EPC2: variants seen among roughly 807,000 people sequenced by gnomAD.
The protein encoded by EPC2 is enhancer of polycomb 2.
Under a neutral mutation model 92.1 loss-of-function variants are expected in EPC2, and 14 were observed. That is an observed-to-expected ratio of 0.15 (90% CI 0.10 to 0.24). The LOEUF (loss-of-function observed/expected upper bound fraction) is 0.24. EPC2 is among the 10% of genes least tolerant of loss of function. The probability of loss-of-function intolerance (pLI) is 1.00; values close to 1 mark genes in which losing one functional copy is unlikely to be tolerated. For synonymous variants in EPC2, 340 were observed against 334.7 expected (o/e 1.02, Z -0.17); for missense variants, 755 against 971.5 (o/e 0.78, Z 2.96).
chr2:148,710,119 A>G (rs891794003), intron 2 of EPC2, among the ~76,000 whole-genome samples: 1 of 152,252 alleles, frequency 6.6e-6, no homozygotes, highest in Non-Finnish European at 1.5e-5. Context: ...GGTAATATCC[A>G]GAATCTACAA....
intron 2 of EPC2, among the ~76,000 whole-genome samples, chr2:148,719,055 G>A (rs916248411): frequency 4.6e-5 from 7 of 151,830 alleles, no homozygotes; most frequent in African/African-American, 1.7e-4. Flanking sequence ...TGATTGCATT[G>A]TGAAGTTCTC....
chr2:148,725,424 T>C (rs1273211372), intron 2 of EPC2, among the ~76,000 whole-genome samples: 1 of 152,090 alleles, frequency 6.6e-6, no homozygotes, highest in East Asian at 1.9e-4. Flanking sequence ...CAGAACCCTT[T>C]TAGAGTAAGT....
At chr2:148,684,725 A>T (rs1013382014) in intron 1 of EPC2, among the ~76,000 whole-genome samples, 1 of 152,208 alleles carries the variant, frequency 6.6e-6, no homozygotes, top group Non-Finnish European at 1.5e-5. Context: ...GCCTACTTAC[A>T]TACCTGCGTG....
chr2:148,759,373 G>A (rs952085186), intron 4 of EPC2, among the ~76,000 whole-genome samples: 1 of 152,110 alleles, frequency 6.6e-6, no homozygotes, highest in Non-Finnish European at 1.5e-5. Context: ...GATTACAGGC[G>A]TGAGCCACTG....
At chr2:148,683,128 T>G (rs1193371702) in intron 1 of EPC2, among the ~76,000 whole-genome samples, 1 of 152,114 alleles carries the variant, frequency 6.6e-6, no homozygotes, top group Admixed American at 6.6e-5. Context: ...TGGTGTTTGC[T>G]TGCTTGGAAA....
chr2:148,650,225 T>G (rs1680649930), intron 1 of EPC2, among the ~76,000 whole-genome samples: 1 of 152,172 alleles, frequency 6.6e-6, no homozygotes, highest in Non-Finnish European at 1.5e-5. Flanking sequence ...AATGGGCTTC[T>G]ATTTCTTTTT....
In EPC2 at chr2:148,714,445, G is replaced by GTCAAAT. The variant is rs200272659; in HGVS notation, c.313+24073_313+24078dup. ...ATATACCAAGTAAGGGGATTGTTGA[G>GTCAAAT]TCAAATGGTATTTCTGCCTCTAGGT... On this transcript the variant is annotated intron_variant, in intron 2 of 13. Transcript: ENST00000258484. 7.4e-4 allele frequency among the ~76,000 whole-genome samples: 112 copies of GTCAAAT among 152,258 alleles called. No individual in the cohort carries two copies. The East Asian group carries it at 0.013, about 17-fold the overall frequency.
At chr2:148,695,461 T>C (rs1681726832) in intron 2 of EPC2, among the ~76,000 whole-genome samples, 1 of 152,204 alleles carries the variant, frequency 6.6e-6, no homozygotes, top group African/African-American at 2.4e-5. Context: ...CAAGTCTACA[T>C]TGGAAAAGAG....
chr2:148,749,477 C>T (rs187833097), intron 3 of EPC2, among the ~76,000 whole-genome samples: 28 of 149,958 alleles, frequency 1.9e-4, no homozygotes, highest in East Asian at 1.8e-3. Flanking sequence ...ATCACATCAT[C>T]GGTTTTTTTT....
chr2:148,741,772 T>G (rs1271311390), intron 2 of EPC2, among the ~76,000 whole-genome samples: 1 of 152,174 alleles, frequency 6.6e-6, no homozygotes, highest in African/African-American at 2.4e-5. Flanking sequence ...GTTTAATAAC[T>G]TATACATGTA....
intron 1 of EPC2, among the ~76,000 whole-genome samples, chr2:148,655,906 T>G (rs79726499): frequency 0.032 from 4,896 of 151,720 alleles, 257 homozygotes; most frequent in African/African-American, 0.11. Context: ...CCACATGATT[T>G]AAATATAAAA....
Position 148,781,926 on chromosome 2 carries a change from A to G in EPC2, c.1857+146A>G. Reference sequence around the variant, plus strand: ...ACCTGAATTTCTTTTCAGTTAATGTACGTAATTTTAAGTGACTAGCTTATA... The same window carrying G: ...ACCTGAATTTCTTTTCAGTTAATGTGCGTAATTTTAAGTGACTAGCTTATA... On this transcript the variant is annotated intron_variant, in intron 11 of 13. Coordinates refer to ENST00000258484, the MANE Select transcript of EPC2 (RefSeq NM_015630.4). 3 of 889,806 alleles carry G rather than the reference A, an allele frequency of 3.4e-6. No homozygotes were observed. In the Admixed American group the frequency reaches 9.0e-5, roughly 27 times the overall value. The allele number at this position is 889,806 out of a possible 1,614,324, so 55.1% of individuals were successfully genotyped here.
intron 13 of EPC2, 119 bp downstream of exon 13, chr2:148,785,120 T>A: frequency 1.2e-6 from 1 of 818,872 alleles, no homozygotes; most frequent in East Asian, 3.0e-5. Context: ...TGATTTTCAA[T>A]AGATACTGAA....
At chr2:148,735,611 T>G (rs1482704466) in intron 2 of EPC2, among the ~76,000 whole-genome samples, 1 of 151,982 alleles carries the variant, frequency 6.6e-6, no homozygotes, top group Non-Finnish European at 1.5e-5. Context: ...TCTCTATACT[T>G]ATACCTTTTC....
At chr2:148,772,580 A>G (rs1247634303) in intron 10 of EPC2, among the ~76,000 whole-genome samples, 1 of 152,188 alleles carries the variant, frequency 6.6e-6, no homozygotes, top group Non-Finnish European at 1.5e-5. Flanking sequence ...TTTAAAGGTT[A>G]TAATGGAAAA....
intron 2 of EPC2, 124 bp from the exon 3 acceptor site, chr2:148,743,498 C>T: frequency 1.6e-6 from 1 of 638,902 alleles, no homozygotes; most frequent in South Asian, 3.7e-5. Context: ...TTGTGGATAC[C>T]TTCTCCTGAG....
intron 2 of EPC2, among the ~76,000 whole-genome samples, chr2:148,694,653 A>G (rs1034083762): frequency 5.6e-4 from 86 of 152,214 alleles, no homozygotes; most frequent in African/African-American, 2.0e-3. Flanking sequence ...TTACATTTCA[A>G]TAGTATCTTT....
chr2:148,722,457 A>T (rs143485674), intron 2 of EPC2, among the ~76,000 whole-genome samples: 1 of 152,358 alleles, frequency 6.6e-6, no homozygotes, highest in Non-Finnish European at 1.5e-5. Flanking sequence ...AGAAATGGAA[A>T]TCAAAACCAC....
intron 1 of EPC2, among the ~76,000 whole-genome samples, chr2:148,686,371 C>A (rs1558809337): frequency 1.3e-5 from 2 of 152,302 alleles, no homozygotes; most frequent in East Asian, 3.9e-4. Flanking sequence ...CTTGCCATTT[C>A]CACTACATCT....
Sources: gnomAD v4.1 joint callset for allele counts (sites outside exome capture counted in the v4.1 genomes callset) on GRCh38, gnomAD v4.1.1 for gene constraint, MANE v1.5 for transcripts, NCBI Gene and HGNC (gene_info 2026-07-23, HGNC 2026-07-21) for gene names.